Variants in MAP3K2 observed in about 807,000 individuals in gnomAD.
MAP3K2 encodes the protein MAP/ERK kinase kinase 2.
A neutral mutation model predicts 80.3 loss-of-function variants in MAP3K2; 24 were observed. The observed-to-expected ratio is 0.30, with a 90% CI of 0.22 to 0.42. The LOEUF (loss-of-function observed/expected upper bound fraction) is 0.42, where lower values mean the gene tolerates loss of function less well. MAP3K2 is among the 10% of genes least tolerant of loss of function. MAP3K2 has a pLI of 1.00. For synonymous variants in MAP3K2, 244 were observed against 253.7 expected, an observed-to-expected ratio of 0.96 and a Z score of 0.36; for missense variants, 608 against 750.1, an observed-to-expected ratio of 0.81 and a Z score of 2.21.
intron 12 of MAP3K2, among the ~76,000 whole-genome samples, chr2:127,319,093 C>A (rs1259549018): frequency 6.6e-6 from 1 of 152,140 alleles, no homozygotes; most frequent in Non-Finnish European, 1.5e-5. Flanking sequence ...AGGGGAATGG[C>A]CCACTGTTGT....
rs1054613885 is a variant in MAP3K2 at position 127,304,704 on chromosome 2, C to T, written c.*2875G>A. The T allele has an allele frequency of 5.2e-5, 8 of 152,500 alleles. No individual in the cohort carries two copies. The highest frequency in any genetic ancestry group is 2.1e-4 in the South Asian group (1 of 4,830). 9.4% of individuals were successfully genotyped at this position (152,500 alleles called of 1,614,324 possible). Reference sequence around the variant, plus strand: ...ATCATTATTAGAAAGAAGAAAAAAACGGAGTGTTATATTTAACTTCCCCTG... The same window carrying T: ...ATCATTATTAGAAAGAAGAAAAAAATGGAGTGTTATATTTAACTTCCCCTG... On this transcript the variant is annotated 3_prime_UTR_variant, in exon 17 of 17. Transcript: ENST00000682094.
intron 1 of MAP3K2, among the ~76,000 whole-genome samples, chr2:127,384,035 G>A (rs567845550): frequency 1.2e-3 from 181 of 151,710 alleles, no homozygotes; most frequent in Middle Eastern, 6.9e-3. Context: ...CACCATGCCC[G>A]GCTAGTGGTT....
intron 1 of MAP3K2, among the ~76,000 whole-genome samples, chr2:127,350,742 C>A (rs993860463): frequency 6.6e-6 from 1 of 151,568 alleles, no homozygotes; most frequent in Non-Finnish European, 1.5e-5. Flanking sequence ...CATTTCCACT[C>A]ATTTTTCAAA....
At chr2:127,348,441 C>T (rs1686635657) in intron 1 of MAP3K2, among the ~76,000 whole-genome samples, 1 of 152,024 alleles carries the variant, frequency 6.6e-6, no homozygotes, top group South Asian at 2.1e-4. Flanking sequence ...GAATAAAGTA[C>T]CTATACATGC....
At chr2:127,345,789 A>G (rs1429670116) in intron 1 of MAP3K2, among the ~76,000 whole-genome samples, 3 of 152,224 alleles carry the variant, frequency 2.0e-5, no homozygotes. Flanking sequence ...ACTAGAAGGC[A>G]TAAGGAAAAT....
At chr2:127,358,292 A>T (rs1450022457) in intron 1 of MAP3K2, among the ~76,000 whole-genome samples, 1 of 152,224 alleles carries the variant, frequency 6.6e-6, no homozygotes, top group East Asian at 1.9e-4. Flanking sequence ...AGTGTTGGCA[A>T]GGATACCGTG....
At chr2:127,371,478 T>C (rs891244921) in intron 1 of MAP3K2, among the ~76,000 whole-genome samples, 1 of 152,242 alleles carries the variant, frequency 6.6e-6, no homozygotes, top group Non-Finnish European at 1.5e-5. Flanking sequence ...TTGTTGAATT[T>C]ATCAATCGTT....
intron 2 of MAP3K2, among the ~76,000 whole-genome samples, chr2:127,340,519 TGG>T (rs1686457273): frequency 6.6e-6 from 1 of 152,058 alleles, no homozygotes; most frequent in South Asian, 2.1e-4. Flanking sequence ...TAGCCAGGCA[TGG>T]TGGCAGGTGC....
At chr2:127,382,472 T>C (rs1687264306) in intron 1 of MAP3K2, among the ~76,000 whole-genome samples, 1 of 152,246 alleles carries the variant, frequency 6.6e-6, no homozygotes, top group Non-Finnish European at 1.5e-5. Flanking sequence ...TCTAGTTTGA[T>C]AGTTTTCTTC....
At chr2:127,377,410 T>C (rs980118817) in intron 1 of MAP3K2, among the ~76,000 whole-genome samples, 2 of 151,656 alleles carry the variant, frequency 1.3e-5, no homozygotes, top group African/African-American at 4.8e-5. Context: ...TTAAACTACA[T>C]TGGCCCTAGC....
At chr2:127,319,757 T>G (rs1357133975) in intron 12 of MAP3K2, among the ~76,000 whole-genome samples, 1 of 150,334 alleles carries the variant, frequency 6.7e-6, no homozygotes, top group Non-Finnish European at 1.5e-5. Context: ...GAGAATCGCT[T>G]GAACCCGGGA....
chr2:127,310,826 A>T lies in MAP3K2; in HGVS notation c.1457-2064T>A, dbSNP rs375765894. 1.3e-4 allele frequency among the ~76,000 whole-genome samples: 20 copies of T among 151,752 alleles called. No homozygotes were observed. In the South Asian group the frequency reaches 4.2e-3, roughly 32 times the overall value. On this transcript the variant is annotated intron_variant, in intron 15 of 16. Coordinates refer to ENST00000682094, the MANE Select transcript of MAP3K2 (RefSeq NM_001371910.2). This position sits in a 1 kb window ranked among gnomAD's most constrained non-coding sequence, Gnocchi z 4.8. ...TTCCACATAGCCCTCATTACTTTGGACCTTCTCATTTTTAACTTTTTCTTT... is the reference window on the plus strand; with the variant it reads ...TTCCACATAGCCCTCATTACTTTGGTCCTTCTCATTTTTAACTTTTTCTTT...
chr2:127,346,410 TAAAAAAAAAAA>T (rs70985447), intron 1 of MAP3K2, among the ~76,000 whole-genome samples: 15 of 96,336 alleles, frequency 1.6e-4, no homozygotes, highest in Non-Finnish European at 2.4e-4. Flanking sequence ...AAACTGGTTT[TAAAAAAAAAAA>T]AAAAAAAAAA....
chr2:127,320,951 C>A (rs1009029516), intron 12 of MAP3K2, among the ~76,000 whole-genome samples: 4 of 152,100 alleles, frequency 2.6e-5, no homozygotes, highest in Non-Finnish European at 1.5e-5. Flanking sequence ...AAAACCCACT[C>A]TCTACAAAAA....
chr2:127,369,565 T>C (rs1438362600), intron 1 of MAP3K2, among the ~76,000 whole-genome samples: 1 of 144,972 alleles, frequency 6.9e-6, no homozygotes, highest in Non-Finnish European at 1.5e-5. Context: ...TAATAAGAAA[T>C]AGTATTGACT....
At chr2:127,330,802 G>C (rs977856211) in intron 5 of MAP3K2, among the ~76,000 whole-genome samples, 7 of 152,222 alleles carry the variant, frequency 4.6e-5, no homozygotes, top group Admixed American at 2.6e-4. Context: ...CTAAATTTAA[G>C]TTATAGTATG....
At chr2:127,308,264 A>G (rs1407523743) in intron 16 of MAP3K2, among the ~76,000 whole-genome samples, 2 of 152,266 alleles carry the variant, frequency 1.3e-5, no homozygotes, top group African/African-American at 4.8e-5. Flanking sequence ...CACTGACAAC[A>G]AAGATGAAGT....
intron 8 of MAP3K2, among the ~76,000 whole-genome samples, chr2:127,326,382 A>ATTCTATCT (rs1387708442): frequency 1.4e-5 from 2 of 147,854 alleles, no homozygotes; most frequent in African/African-American, 4.9e-5. Context: ...TTGTAGTTTC[A>ATTCTATCT]TTCTATCTTT....
At chr2:127,344,839 A>C (rs906228108) in intron 1 of MAP3K2, among the ~76,000 whole-genome samples, 34 of 152,170 alleles carry the variant, frequency 2.2e-4, no homozygotes, top group Non-Finnish European at 7.4e-5. Context: ...AAACATTTTG[A>C]CCTGAATATG....
Sources: gnomAD v4.1 joint callset for allele counts (sites outside exome capture counted in the v4.1 genomes callset) on GRCh38, gnomAD v4.1.1 for gene constraint, Gnocchi (gnomAD v3.1) non-coding constraint, MANE v1.5 for transcripts, NCBI Gene and HGNC (gene_info 2026-07-23, HGNC 2026-07-21) for gene names.